The following GNAQ variants were observed in gnomAD, a reference collection of about 807,000 sequenced individuals.
GNAQ encodes the protein G protein subunit alpha q, also known as guanine nucleotide-binding protein G(q) subunit alpha.
In GNAQ, 8 loss-of-function variants were observed where a neutral mutation model predicts 43.9. That is an observed-to-expected ratio of 0.18 (90% confidence interval 0.11 to 0.33). The LOEUF is 0.33. GNAQ is among the 10% of genes least tolerant of loss of function. The pLI is 1.00. For synonymous variants in GNAQ, 155 were observed against 170.7 expected, an observed-to-expected ratio of 0.91 and a Z score of 0.71; for missense variants, 158 against 450.8, an observed-to-expected ratio of 0.35 and a Z score of 5.88.
At chr9:77,734,539 T>C (rs1419167389) in intron 5 of GNAQ, among the ~76,000 whole-genome samples, 2 of 152,166 alleles carry the variant, frequency 1.3e-5, no homozygotes, top group East Asian at 1.9e-4. Flanking sequence ...TATGCATCTA[T>C]GAGCTGTTCT....
intron 2 of GNAQ, among the ~76,000 whole-genome samples, chr9:77,873,678 T>C (rs1200940515): frequency 6.6e-6 from 1 of 152,206 alleles, no homozygotes; most frequent in Non-Finnish European, 1.5e-5. Context: ...CAACACTGCT[T>C]CTGGGCCAGG....
intron 2 of GNAQ, among the ~76,000 whole-genome samples, chr9:77,864,836 G>A (rs1365029067): frequency 3.3e-5 from 5 of 152,132 alleles, no homozygotes; most frequent in Non-Finnish European, 1.5e-5. Context: ...TCAGGCCTGG[G>A]GAGGAAACAG....
At chr9:77,833,870 CTT>C (rs1242175788) in intron 2 of GNAQ, among the ~76,000 whole-genome samples, 1 of 152,146 alleles carries the variant, frequency 6.6e-6, no homozygotes, top group Non-Finnish European at 1.5e-5. Flanking sequence ...GTATGAAAGA[CTT>C]GGCTATTCTG....
intron 2 of GNAQ, among the ~76,000 whole-genome samples, chr9:77,847,404 C>T (rs750042111): frequency 2.0e-5 from 3 of 152,134 alleles, no homozygotes; most frequent in Non-Finnish European, 2.9e-5. Flanking sequence ...ACGAAAAACA[C>T]GATGGGAATG....
intron 2 of GNAQ, among the ~76,000 whole-genome samples, chr9:77,878,576 T>C (rs917354336): frequency 1.3e-5 from 2 of 152,002 alleles, no homozygotes; most frequent in African/African-American, 4.8e-5. Flanking sequence ...TTTCAACCTC[T>C]AATTATTTGA....
At chr9:77,982,203 C>T (rs1392864742) in intron 1 of GNAQ, among the ~76,000 whole-genome samples, 2 of 152,116 alleles carry the variant, frequency 1.3e-5, no homozygotes, top group Non-Finnish European at 2.9e-5. Flanking sequence ...TCATTTTTGG[C>T]AAAGCAGTAT....
At chr9:77,721,545 T>G (rs748971807) in intron 6 of GNAQ, 32 bp from the exon 7 acceptor site, 152 of 1,282,838 alleles carry the variant, frequency 1.2e-4, no homozygotes, top group Non-Finnish European at 1.6e-4. Context: ...GGACACTTTG[T>G]TACCTAATCT....
chr9:77,978,127 A>C (rs1823326271), intron 1 of GNAQ, among the ~76,000 whole-genome samples: 1 of 151,658 alleles, frequency 6.6e-6, no homozygotes, highest in Admixed American at 6.6e-5. Context: ...CTGGGCCCAT[A>C]CTCCCCATTT....
chr9:77,857,644 G>C (rs1016518838), intron 2 of GNAQ, among the ~76,000 whole-genome samples: 1 of 127,500 alleles, frequency 7.8e-6, no homozygotes, highest in African/African-American at 2.8e-5. Flanking sequence ...GGACGGAAAG[G>C]GGGGAAGGAG....
intron 1 of GNAQ, among the ~76,000 whole-genome samples, chr9:78,013,371 G>A (rs1204364344): frequency 6.6e-6 from 1 of 150,448 alleles, no homozygotes; most frequent in Non-Finnish European, 1.5e-5. Context: ...ATGCAGGTTA[G>A]TTCCATATGT....
At chr9:77,917,713 G>A (rs1450059005) in intron 2 of GNAQ, among the ~76,000 whole-genome samples, 1 of 152,078 alleles carries the variant, frequency 6.6e-6, no homozygotes, top group African/African-American at 2.4e-5. Context: ...ATCAATATTT[G>A]TGTTCAGGGA....
chr9:77,806,767 A>G (rs1456382084), intron 3 of GNAQ, among the ~76,000 whole-genome samples: 1 of 152,222 alleles, frequency 6.6e-6, no homozygotes, highest in African/African-American at 2.4e-5. Context: ...AGTCTACAGT[A>G]AGCTAGGCAC....
chr9:77,936,399 A>G (rs768633733), intron 1 of GNAQ, among the ~76,000 whole-genome samples: 2 of 152,228 alleles, frequency 1.3e-5, no homozygotes, highest in Non-Finnish European at 2.9e-5. Flanking sequence ...ATACATAAAA[A>G]TAACATTGGA....
chr9:78,000,412 C>T (rs948805874), intron 1 of GNAQ, among the ~76,000 whole-genome samples: 4 of 152,104 alleles, frequency 2.6e-5, no homozygotes, highest in African/African-American at 7.2e-5. Context: ...ATCACATTTA[C>T]GTCTCAGGAA....
intron 2 of GNAQ, among the ~76,000 whole-genome samples, chr9:77,881,280 G>A (rs73653016): frequency 3.9e-5 from 6 of 152,220 alleles, no homozygotes; most frequent in African/African-American, 1.4e-4. Context: ...GCCATTGTCT[G>A]GTTTGTTCAC....
chr9:77,939,769 A>G (rs1321394752), intron 1 of GNAQ, among the ~76,000 whole-genome samples: 3 of 152,226 alleles, frequency 2.0e-5, no homozygotes, highest in Non-Finnish European at 4.4e-5. Flanking sequence ...TGCCATATAG[A>G]GAATATTTTA....
At chr9:77,777,933 A>G (rs1179693474) in intron 5 of GNAQ, among the ~76,000 whole-genome samples, 2 of 152,056 alleles carry the variant, frequency 1.3e-5, no homozygotes, top group African/African-American at 4.8e-5. Flanking sequence ...TAATCATAGA[A>G]CTACCAAATG....
At chr9:77,895,108 G>C (rs1828477595) in intron 2 of GNAQ, among the ~76,000 whole-genome samples, 1 of 149,950 alleles carries the variant, frequency 6.7e-6, no homozygotes, top group South Asian at 2.1e-4. Flanking sequence ...TGAGGCAGGA[G>C]AATGGCATGA....
At chr9:77,864,844 C>A (rs1827922090) in intron 2 of GNAQ, among the ~76,000 whole-genome samples, 1 of 152,176 alleles carries the variant, frequency 6.6e-6, no homozygotes, top group African/African-American at 2.4e-5. Flanking sequence ...GGGGAGGAAA[C>A]AGACTGTCTT....
Sources: allele counts gnomAD v4.1 joint callset (sites outside exome capture counted in the v4.1 genomes callset), GRCh38; gene constraint gnomAD v4.1.1; transcripts MANE v1.5; gene names NCBI Gene and HGNC (gene_info 2026-07-23, HGNC 2026-07-21).